PTPRD: variants seen among roughly 807,000 people sequenced by gnomAD.
PTPRD encodes the protein receptor-type tyrosine-protein phosphatase delta.
A neutral mutation model predicts 214.5 loss-of-function variants in PTPRD; 34 were observed. The ratio of observed to expected loss-of-function variants is 0.16; its 90% CI spans 0.12 to 0.21. The LOEUF is 0.21. Among genes scored for constraint, PTPRD ranks in the 10% least tolerant of loss-of-function variants. PTPRD has a pLI of 1.00. For missense variants in PTPRD, 2,545 were observed against 2,398.7 expected (o/e 1.06, Z -1.27); for synonymous variants, 1,128 against 845.7 (o/e 1.33, Z -5.79).
chr9:9,099,674 C>T (rs779214485), intron 10 of PTPRD, among the ~76,000 whole-genome samples: 9 of 152,182 alleles, frequency 5.9e-5, no homozygotes, highest in Non-Finnish European at 1.0e-4. Flanking sequence ...ATATTCCATA[C>T]TAGGAAACTA....
chr9:9,098,900 A>G (rs889681167), intron 10 of PTPRD, among the ~76,000 whole-genome samples: 10 of 152,206 alleles, frequency 6.6e-5, no homozygotes, highest in African/African-American at 2.4e-4. Context: ...AAATTCTGAA[A>G]ACAACTGTGA....
At position 8,404,531 on chromosome 9, in the gene PTPRD, C is replaced by A. The variant is rs1333917727; in HGVS notation, c.4210+6G>T. On this transcript the variant is annotated splice_donor_region_variant and intron_variant, in intron 36 of 45. Transcript: ENST00000381196. ...AAAGGTATCAGTGATGTCTGCATTT[C>A]CTTACCTTCTATAGCTGATAGGAGA... 2.5e-6 allele frequency: 4 copies of A among 1,606,790 alleles called. No homozygotes were observed. In the African/African-American group the frequency reaches 4.0e-5, roughly 16 times the overall value.
intron 10 of PTPRD, among the ~76,000 whole-genome samples, chr9:9,125,265 G>A: frequency 6.6e-6 from 1 of 152,094 alleles, no homozygotes; most frequent in East Asian, 1.9e-4. Context: ...ATATTACCTA[G>A]CCAAACTTCC....
chr9:9,789,325 G>A (rs888556734), intron 5 of PTPRD, among the ~76,000 whole-genome samples: 1 of 152,176 alleles, frequency 6.6e-6, no homozygotes, highest in South Asian at 2.1e-4. Flanking sequence ...TTTTCAGTGC[G>A]TAACTATTCA....
chr9:10,314,958 G>T (rs2096382415), intron 3 of PTPRD, among the ~76,000 whole-genome samples: 2 of 151,898 alleles, frequency 1.3e-5, no homozygotes. Context: ...AGATAATATA[G>T]ATTTGTACCT....
intron 4 of PTPRD, among the ~76,000 whole-genome samples, chr9:9,972,196 A>T (rs2095141010): frequency 6.6e-6 from 1 of 152,118 alleles, no homozygotes; most frequent in Admixed American, 6.6e-5. Context: ...TATCAAGCGC[A>T]TCTTAACATT....
chr9:8,356,519 G>T (rs1024657943), intron 39 of PTPRD, among the ~76,000 whole-genome samples: 70 of 152,174 alleles, frequency 4.6e-4, no homozygotes, highest in African/African-American at 1.7e-3. Flanking sequence ...TGTTCTTTCA[G>T]TCTGGGAACA....
chr9:10,278,096 C>T (rs1007308158), intron 3 of PTPRD, among the ~76,000 whole-genome samples: 3 of 151,106 alleles, frequency 2.0e-5, no homozygotes, highest in African/African-American at 4.9e-5. Context: ...GGAGGTGGAG[C>T]GAAGAGCCGA....
At chr9:8,832,404 A>ACCC (rs1284142236) in intron 11 of PTPRD, among the ~76,000 whole-genome samples, 2 of 110,912 alleles carry the variant, frequency 1.8e-5, no homozygotes, top group African/African-American at 7.6e-5. Flanking sequence ...GGGCAGCTAA[A>ACCC]ATCATCTTTT....
At chr9:8,630,763 G>C (rs775321032) in intron 14 of PTPRD, among the ~76,000 whole-genome samples, 1 of 151,836 alleles carries the variant, frequency 6.6e-6, no homozygotes, top group Non-Finnish European at 1.5e-5. Context: ...AAGCAGAGGA[G>C]ATGATGAAAC....
chr9:10,510,196 C>T (rs2047516561), intron 2 of PTPRD, among the ~76,000 whole-genome samples: 1 of 152,020 alleles, frequency 6.6e-6, no homozygotes. Context: ...TAGTTTCATT[C>T]CTTTCTTTCC....
At chr9:9,492,119 A>G (rs1467507439) in intron 8 of PTPRD, among the ~76,000 whole-genome samples, 1 of 151,986 alleles carries the variant, frequency 6.6e-6, no homozygotes. Flanking sequence ...GAGCAACTGT[A>G]TGCCAACAAT....
intron 2 of PTPRD, among the ~76,000 whole-genome samples, chr9:10,514,655 TC>T (rs1299220180): frequency 6.6e-6 from 1 of 151,936 alleles, no homozygotes; most frequent in Non-Finnish European, 1.5e-5. Context: ...GACTTTTTTT[TC>T]CTCTTGAGAA....
chr9:8,697,014 G>A (rs140130599), intron 12 of PTPRD, among the ~76,000 whole-genome samples: 16 of 152,256 alleles, frequency 1.1e-4, no homozygotes, highest in South Asian at 4.2e-4. Flanking sequence ...TTGCGGAAGC[G>A]TGAGAACAAC....
At chr9:8,643,768 G>A (rs745375924) in intron 12 of PTPRD, among the ~76,000 whole-genome samples, 7 of 152,340 alleles carry the variant, frequency 4.6e-5, no homozygotes, top group African/African-American at 9.6e-5. Context: ...ACTGACCAGG[G>A]TGGAAGGGAA....
At chr9:9,275,345 C>G (rs1026919196) in intron 9 of PTPRD, among the ~76,000 whole-genome samples, 2 of 147,432 alleles carry the variant, frequency 1.4e-5, no homozygotes, top group African/African-American at 5.0e-5. Flanking sequence ...TCAGAAAAAA[C>G]TTATATTGTA....
chr9:10,490,301 A>T (rs2039773497), intron 2 of PTPRD, among the ~76,000 whole-genome samples: 1 of 152,208 alleles, frequency 6.6e-6, no homozygotes, highest in Non-Finnish European at 1.5e-5. Flanking sequence ...TTTTATATTA[A>T]TGAATGATTT....
chr9:8,429,355 T>C (rs1193690501), intron 35 of PTPRD, among the ~76,000 whole-genome samples: 5 of 152,174 alleles, frequency 3.3e-5, no homozygotes, highest in Non-Finnish European at 4.4e-5. Flanking sequence ...TTATGCTCCT[T>C]ACCTCTATGA....
intron 6 of PTPRD, among the ~76,000 whole-genome samples, chr9:9,749,155 C>T (rs2098488523): frequency 6.6e-6 from 1 of 152,110 alleles, no homozygotes; most frequent in Non-Finnish European, 1.5e-5. Context: ...TCAGCCCCCT[C>T]TTGACTCCTG....
Sources: allele counts gnomAD v4.1 joint callset (sites outside exome capture counted in the v4.1 genomes callset), GRCh38; gene constraint gnomAD v4.1.1; transcripts MANE v1.5; gene names NCBI Gene and HGNC (gene_info 2026-07-23, HGNC 2026-07-21).